The following UBE3C variants were observed in gnomAD, a reference collection of about 807,000 sequenced individuals.
UBE3C encodes ubiquitin protein ligase E3C.
In UBE3C, 42 loss-of-function variants were observed where a neutral mutation model predicts 129.4. The ratio of observed to expected loss-of-function variants is 0.32; its 90% confidence interval spans 0.25 to 0.42. The LOEUF (loss-of-function observed/expected upper bound fraction) is 0.42, where lower values mean the gene tolerates loss of function less well. Among genes scored for constraint, UBE3C ranks in the 10% least tolerant of loss-of-function variants. The pLI is 1.00. For missense variants in UBE3C, 1,049 were observed against 1,319.1 expected (o/e 0.80, Z 3.17); for synonymous variants, 510 against 492.4 (o/e 1.04, Z -0.47).
intron 13 of UBE3C, among the ~76,000 whole-genome samples, chr7:157,209,488 A>G (rs1212713660): frequency 1.3e-5 from 2 of 152,194 alleles, no homozygotes; most frequent in Admixed American, 6.5e-5. Context: ...CAATTTTTCT[A>G]TGTTAAAAAA....
rs753682728 is a variant in UBE3C at position 157,231,065 on chromosome 7, A to AT, written c.2234-6dup. The AT allele has an allele frequency of 3.4e-4, 541 of 1,584,138 alleles. 3 individuals are homozygous for AT. Among genetic ancestry groups the AT allele is most frequent in the South Asian group, 2.0e-3 (176 of 88,350 alleles). ...TAACATCTTTCCTCCTCACCCTCCCATTTTTTTTTAACAGAGCCTGATTTG... is the reference window on the plus strand; with the variant it reads ...TAACATCTTTCCTCCTCACCCTCCCATTTTTTTTTTAACAGAGCCTGATTTG... On this transcript the variant is annotated splice_polypyrimidine_tract_variant and intron_variant, in intron 17 of 22. Coordinates refer to ENST00000348165, the MANE Select transcript of UBE3C (RefSeq NM_014671.3).
chr7:157,206,271 A>T (rs960327946), intron 11 of UBE3C, among the ~76,000 whole-genome samples: 1 of 151,948 alleles, frequency 6.6e-6, no homozygotes, highest in African/African-American at 2.4e-5. Flanking sequence ...TTATTTATTT[A>T]TTTTTTTTGG....
rs1006837640 is a variant in UBE3C at position 157,239,898 on chromosome 7, C to T, written c.2482-8470C>T. On this transcript the variant is annotated intron_variant, in intron 18 of 22. Coordinates refer to ENST00000348165, the MANE Select transcript of UBE3C (RefSeq NM_014671.3). The stretch of plus-strand genomic sequence containing the variant: ...GAGCAGGAGCTCATTCTGACTGCAT[C>T]CCACTGTTGCTGCTTTCTGGGTGAT... 4.6e-5 allele frequency among the ~76,000 whole-genome samples: 7 copies of T among 152,292 alleles called. No individual in the cohort carries two copies. The South Asian group carries it at 8.3e-4, about 18-fold the overall frequency.
At chr7:157,267,078 T>C (rs1031301376) in intron 22 of UBE3C, among the ~76,000 whole-genome samples, 1 of 152,112 alleles carries the variant, frequency 6.6e-6, no homozygotes, top group Non-Finnish European at 1.5e-5. Context: ...TGAAGCACAG[T>C]GCATAATCTT....
intron 13 of UBE3C, among the ~76,000 whole-genome samples, chr7:157,215,996 A>G (rs1795556362): frequency 6.6e-6 from 1 of 152,230 alleles, no homozygotes; most frequent in Admixed American, 6.5e-5. Context: ...CTGTTCTGAA[A>G]GAATATTGTA....
intron 18 of UBE3C, chr7:157,231,605 G>A (rs1025681432): frequency 1.8e-5 from 7 of 393,462 alleles, no homozygotes; most frequent in East Asian, 1.2e-4. Flanking sequence ...GAGCTCGGCC[G>A]TCATGAATGG....
chr7:157,140,010 G>T lies in UBE3C; in HGVS notation c.66+672G>T. 3 of 985,446 alleles carry T rather than the reference G, an allele frequency of 3.0e-6. No homozygotes were observed. In the African/African-American group the frequency reaches 5.2e-5, roughly 17 times the overall value. The allele number at this position is 985,446 out of a possible 1,614,324, so 61.0% of individuals were successfully genotyped here. A position where few individuals can be genotyped will look rare whatever the true frequency, so the allele number is the denominator to read the frequency against. ...CATCTGTTGTGATCGACATTAAGTT[G>T]TTCGCATGGTAATTGTTTAGGATAA... On this transcript the variant is annotated intron_variant, in intron 1 of 22. Transcript: ENST00000348165.
At chr7:157,254,461 G>C in intron 21 of UBE3C, 151 bp downstream of exon 21, 1 of 342,876 alleles carries the variant, frequency 2.9e-6, no homozygotes, top group Non-Finnish European at 4.6e-6. Context: ...GCAGTGGCGC[G>C]ATCCCAGCTC....
chr7:157,181,130 T>C (rs1049719539), intron 6 of UBE3C, among the ~76,000 whole-genome samples: 2 of 152,218 alleles, frequency 1.3e-5, no homozygotes, highest in African/African-American at 2.4e-5. Flanking sequence ...ACTAGTTAAA[T>C]AGAATTTCTA....
intron 19 of UBE3C, among the ~76,000 whole-genome samples, chr7:157,251,819 A>G (rs922415342): frequency 3.3e-5 from 5 of 152,086 alleles, no homozygotes; most frequent in Admixed American, 1.3e-4. Context: ...ATTTTAAATT[A>G]AAAGTAGTGT....
chr7:157,247,656 C>T (rs559489256), intron 18 of UBE3C, among the ~76,000 whole-genome samples: 2 of 152,072 alleles, frequency 1.3e-5, no homozygotes, highest in East Asian at 1.9e-4. Context: ...CGCGCGGCTG[C>T]ACTCCAGCCT....
chr7:157,206,352 G>C (rs1196479138), intron 11 of UBE3C, among the ~76,000 whole-genome samples: 1 of 150,730 alleles, frequency 6.6e-6, no homozygotes, highest in Non-Finnish European at 1.5e-5. Context: ...AACCTCCGCT[G>C]CTCGGGTTCA....
intron 1 of UBE3C, among the ~76,000 whole-genome samples, chr7:157,147,216 T>C (rs1184346883): frequency 1.3e-5 from 2 of 152,230 alleles, no homozygotes; most frequent in African/African-American, 4.8e-5. Context: ...TCATTGGTTA[T>C]ATAATTTTCC....
At chr7:157,156,468 G>A (rs973302362) in intron 1 of UBE3C, among the ~76,000 whole-genome samples, 2 of 151,246 alleles carry the variant, frequency 1.3e-5, no homozygotes, top group African/African-American at 2.4e-5. Context: ...CACCACCCCC[G>A]GCTAATTTTT....
intron 18 of UBE3C, among the ~76,000 whole-genome samples, chr7:157,242,716 T>TTTG (rs2116665828): frequency 6.6e-6 from 1 of 152,136 alleles, no homozygotes; most frequent in South Asian, 2.1e-4. Context: ...GTTTCTGTGT[T>TTTG]TTGGAGCCTG....
At chr7:157,210,466 C>T (rs1809560133) in intron 13 of UBE3C, among the ~76,000 whole-genome samples, 1 of 152,036 alleles carries the variant, frequency 6.6e-6, no homozygotes, top group Admixed American at 6.5e-5. Flanking sequence ...GAACTTACAC[C>T]TCTGTAGTTA....
At chr7:157,164,840 C>G (rs1336682766) in intron 2 of UBE3C, among the ~76,000 whole-genome samples, 3 of 152,092 alleles carry the variant, frequency 2.0e-5, no homozygotes, top group African/African-American at 7.2e-5. Flanking sequence ...GTGAGGGCCA[C>G]AGAGTAATGT....
intron 3 of UBE3C, 110 bp from the exon 4 acceptor site, chr7:157,170,194 C>A: frequency 2.2e-6 from 2 of 914,386 alleles, no homozygotes; most frequent in Non-Finnish European, 2.9e-6. Context: ...ATGGTGTTTT[C>A]GTTGTCAATT....
chr7:157,187,033 TG>T lies in UBE3C; in HGVS notation c.1331+15del. 1 of 1,583,180 alleles carries T rather than the reference TG, an allele frequency of 6.3e-7. No individual in the cohort carries two copies. The highest frequency in any genetic ancestry group is 8.6e-7 in the Non-Finnish European group (1 of 1,164,346). On this transcript the variant is annotated intron_variant, in intron 10 of 22. Transcript: ENST00000348165. ...GTACCCAAAGTCAGGCAAGTGTCCGTGGGCGTCTGTGCCAGGGGGTGCCAGC... is the reference window on the plus strand; with the variant it reads ...GTACCCAAAGTCAGGCAAGTGTCCGTGGCGTCTGTGCCAGGGGGTGCCAGC...
Sources: allele counts gnomAD v4.1 joint callset (sites outside exome capture counted in the v4.1 genomes callset), GRCh38; gene constraint gnomAD v4.1.1; transcripts MANE v1.5; gene names NCBI Gene and HGNC (gene_info 2026-07-23, HGNC 2026-07-21).